Variants in LUZP2 observed in about 807,000 individuals in gnomAD.
LUZP2 encodes the protein leucine zipper protein 2.
In LUZP2, 52 loss-of-function variants were observed where a neutral mutation model predicts 51.6. The observed-to-expected ratio is 1.01, with a 90% CI of 0.81 to 1.27. The LOEUF (loss-of-function observed/expected upper bound fraction) is 1.27. LUZP2 is among the 50% of genes most tolerant of loss of function. The pLI is 0.00. For missense variants in LUZP2, 436 were observed against 395.4 expected (o/e 1.10, Z -0.87); for synonymous variants, 154 against 137.3 (o/e 1.12, Z -0.85).
At chr11:24,888,780 G>T (rs1175249218) in intron 5 of LUZP2, among the ~76,000 whole-genome samples, 1 of 152,040 alleles carries the variant, frequency 6.6e-6, no homozygotes, top group African/African-American at 2.4e-5. Context: ...AATCATGGGG[G>T]ATGGTTTCCC....
intron 1 of LUZP2, among the ~76,000 whole-genome samples, chr11:24,539,219 C>G (rs936531976): frequency 1.3e-5 from 2 of 151,770 alleles, no homozygotes; most frequent in Non-Finnish European, 2.9e-5. Flanking sequence ...CTTTGTTGTT[C>G]TAGAATTGAT....
At chr11:25,071,856 A>C (rs111463442) in intron 10 of LUZP2, among the ~76,000 whole-genome samples, 4 of 145,410 alleles carry the variant, frequency 2.8e-5, no homozygotes, top group Non-Finnish European at 4.6e-5. Context: ...GATAAAAAAA[A>C]ATAAATAAAT....
At chr11:25,039,478 C>T (rs1173252843) in intron 9 of LUZP2, among the ~76,000 whole-genome samples, 1 of 152,124 alleles carries the variant, frequency 6.6e-6, no homozygotes, top group Non-Finnish European at 1.5e-5. Flanking sequence ...TTATCCATGG[C>T]AGTTAGCTGG....
At chr11:24,705,375 C>T (rs1291513488) in intron 1 of LUZP2, among the ~76,000 whole-genome samples, 2 of 151,964 alleles carry the variant, frequency 1.3e-5, no homozygotes, top group South Asian at 2.1e-4. Context: ...TGGTAGAAAA[C>T]AAAATCAATC....
intron 1 of LUZP2, among the ~76,000 whole-genome samples, chr11:24,623,743 A>C (rs1245660889): frequency 6.6e-6 from 1 of 152,144 alleles, no homozygotes; most frequent in Non-Finnish European, 1.5e-5. Context: ...GCTACTCGGG[A>C]GGCTGAGGCA....
At chr11:24,660,063 T>C (rs999993944) in intron 1 of LUZP2, among the ~76,000 whole-genome samples, 3 of 151,820 alleles carry the variant, frequency 2.0e-5, no homozygotes, top group Non-Finnish European at 2.9e-5. Flanking sequence ...GTTCAGAGAG[T>C]GGAAGCAGCA....
At chr11:24,708,746 C>T (rs1235451606) in intron 1 of LUZP2, among the ~76,000 whole-genome samples, 1 of 152,164 alleles carries the variant, frequency 6.6e-6, no homozygotes, top group Non-Finnish European at 1.5e-5. Context: ...AATGATGATA[C>T]TGCTGGAACT....
At chr11:24,706,174 T>G (rs975679443) in intron 1 of LUZP2, among the ~76,000 whole-genome samples, 1 of 152,216 alleles carries the variant, frequency 6.6e-6, no homozygotes, top group African/African-American at 2.4e-5. Flanking sequence ...TTTTATAATA[T>G]GCTTTTAAGA....
chr11:24,774,537 A>ATATGT (rs1404583861), intron 5 of LUZP2, among the ~76,000 whole-genome samples: 111 of 77,786 alleles, frequency 1.4e-3, no homozygotes, highest in African/African-American at 3.8e-3. Context: ...AATATATATA[A>ATATGT]AGAATATATA....
At chr11:25,030,207 C>T (rs1016437349) in intron 9 of LUZP2, among the ~76,000 whole-genome samples, 7 of 152,042 alleles carry the variant, frequency 4.6e-5, no homozygotes, top group Non-Finnish European at 1.0e-4. Flanking sequence ...GTAATATTCT[C>T]TAATTTTTGG....
chr11:24,632,645 C>G (rs2133929481), intron 1 of LUZP2, among the ~76,000 whole-genome samples: 1 of 152,116 alleles, frequency 6.6e-6, no homozygotes, highest in South Asian at 2.1e-4. Context: ...GCATCCCCAA[C>G]AAACATTTAA....
chr11:24,763,145 G>A (rs990344081), intron 4 of LUZP2, 101 bp from the exon 5 acceptor site: 36 of 604,328 alleles, frequency 6.0e-5, no homozygotes, highest in African/African-American at 5.3e-4. Flanking sequence ...TTCAATATTT[G>A]TTAATAAATA....
chr11:24,534,942 G>A (rs78228300), intron 1 of LUZP2, among the ~76,000 whole-genome samples: 6,407 of 151,302 alleles, frequency 0.042, 419 homozygotes, highest in African/African-American at 0.15. Context: ...AAACATAGAG[G>A]CCTGTCTTGG....
intron 5 of LUZP2, among the ~76,000 whole-genome samples, chr11:24,817,808 G>A (rs1850230195): frequency 6.6e-6 from 1 of 151,906 alleles, no homozygotes; most frequent in Non-Finnish European, 1.5e-5. Flanking sequence ...ATTACTAAGT[G>A]CATCACAATT....
At chr11:25,031,595 TG>T (rs1357365715) in intron 9 of LUZP2, among the ~76,000 whole-genome samples, 1 of 152,186 alleles carries the variant, frequency 6.6e-6, no homozygotes, top group African/African-American at 2.4e-5. Context: ...ATTCTAATTT[TG>T]TTTTCTATTC....
intron 1 of LUZP2, among the ~76,000 whole-genome samples, chr11:24,567,842 G>T (rs1194531739): frequency 1.3e-5 from 2 of 152,218 alleles, no homozygotes; most frequent in South Asian, 4.1e-4. Flanking sequence ...CCTAAAGGAA[G>T]TTCCTCAGCA....
intron 7 of LUZP2, among the ~76,000 whole-genome samples, chr11:24,918,882 T>C (rs1398497450): frequency 2.7e-5 from 4 of 146,964 alleles, no homozygotes; most frequent in African/African-American, 9.9e-5. Context: ...CCATAATATA[T>C]ATTATATATA....
chr11:24,924,057 C>A (rs1419890862), intron 7 of LUZP2, among the ~76,000 whole-genome samples: 4 of 151,686 alleles, frequency 2.6e-5, no homozygotes, highest in African/African-American at 9.7e-5. Context: ...TGCCCCCCCA[C>A]ACCCAGCCCC....
intron 1 of LUZP2, among the ~76,000 whole-genome samples, chr11:24,727,866 G>A (rs1590407276): frequency 6.6e-6 from 1 of 150,482 alleles, no homozygotes; most frequent in Non-Finnish European, 1.5e-5. Flanking sequence ...GAAAAAAATT[G>A]TAATAGAAGT....
Sources: gnomAD v4.1 joint callset for allele counts (sites outside exome capture counted in the v4.1 genomes callset) on GRCh38, gnomAD v4.1.1 for gene constraint, MANE v1.5 for transcripts, NCBI Gene and HGNC (gene_info 2026-07-23, HGNC 2026-07-21) for gene names.